The following HDX variants were observed in gnomAD, a reference collection of about 807,000 sequenced individuals.
HDX encodes highly divergent homeobox, also known as chromosome X open reading frame 43.
A neutral mutation model predicts 45.2 loss-of-function variants in HDX; 19 were observed. The ratio of observed to expected loss-of-function variants is 0.42; its 90% CI spans 0.29 to 0.62. The LOEUF is 0.62. HDX is among the 20% of genes least tolerant of loss of function. The probability of loss-of-function intolerance (pLI) is 0.20; values close to 1 mark genes in which losing one functional copy is unlikely to be tolerated. For synonymous variants in HDX, 188 were observed against 172.8 expected (o/e 1.09, Z -0.69); for missense variants, 532 against 493.9 (o/e 1.08, Z -0.73).
intron 4 of HDX, among the ~76,000 whole-genome samples, chrX:84,442,461 G>A (rs1415054384): frequency 9.1e-6 from 1 of 110,202 alleles, no homozygotes; most frequent in African/African-American, 3.3e-5. Flanking sequence ...TACTTTTAAG[G>A]AAAAATAAAA....
chrX:84,368,949 C>T (rs899464508), intron 5 of HDX, among the ~76,000 whole-genome samples: 11 of 110,647 alleles, frequency 9.9e-5, no homozygotes, highest in South Asian at 3.9e-4. Flanking sequence ...AATTGAGTGC[C>T]GCCACTGATC....
At chrX:84,341,769 G>T (rs2037091888) in intron 7 of HDX, among the ~76,000 whole-genome samples, 1 of 106,898 alleles carries the variant, frequency 9.4e-6, no homozygotes. Context: ...GCTGAGGCTG[G>T]AGTACAGTGG....
rs904924779 is a variant in HDX at position 84,395,727 on chromosome X, T to A, written c.1306-34115A>T. 2.7e-5 allele frequency among the ~76,000 whole-genome samples: 3 copies of A among 112,033 alleles called. No individual in the cohort carries two copies. The East Asian group carries it at 8.4e-4, about 31-fold the overall frequency. On this transcript the variant is annotated intron_variant, in intron 5 of 10. Transcript: ENST00000373177. ...CACAAATTTGAATATTTGGTCCCTT[T>A]ATGGTGTTCCATATGTAATGTAGGC... is the stretch of plus-strand genomic sequence containing the variant.
intron 5 of HDX, among the ~76,000 whole-genome samples, chrX:84,371,323 A>G (rs781162469): frequency 1.9e-3 from 217 of 112,223 alleles, no homozygotes; most frequent in Non-Finnish European, 2.8e-3. Flanking sequence ...GAGAAAACAC[A>G]TGTAAAATAA....
chrX:84,322,528 A>G (rs751116668), intron 10 of HDX, among the ~76,000 whole-genome samples: 1 of 111,038 alleles, frequency 9.0e-6, no homozygotes, highest in Admixed American at 9.6e-5. Context: ...ACTTGAAAAG[A>G]CCAAGTAATT....
At chrX:84,400,171 C>T (rs1220049383) in intron 5 of HDX, among the ~76,000 whole-genome samples, 1 of 109,367 alleles carries the variant, frequency 9.1e-6, no homozygotes, top group Non-Finnish European at 1.9e-5. Flanking sequence ...TCTCTCTCAC[C>T]ACTCCTATTC....
At chrX:84,343,319 A>G (rs886286059) in intron 7 of HDX, among the ~76,000 whole-genome samples, 1 of 111,031 alleles carries the variant, frequency 9.0e-6, no homozygotes, top group Non-Finnish European at 1.9e-5. Flanking sequence ...TGACACAATT[A>G]CTTGAGCTCA....
At chrX:84,460,004 T>C (rs762478333) in intron 4 of HDX, among the ~76,000 whole-genome samples, 1 of 111,442 alleles carries the variant, frequency 9.0e-6, no homozygotes, top group South Asian at 3.8e-4. Flanking sequence ...ATCCAAAACC[T>C]GAACAGATCA....
In HDX at chrX:84,413,794, A is replaced by G. The variant is rs182899295; in HGVS notation, c.1305+26738T>C. Reference sequence around the variant, plus strand: ...TCAGTGCTCTTAGCCCTTTACTGAGATTCCTAGAAATCTTGAAATAACATA... The same window carrying G: ...TCAGTGCTCTTAGCCCTTTACTGAGGTTCCTAGAAATCTTGAAATAACATA... On this transcript the variant is annotated intron_variant, in intron 5 of 10. Coordinates refer to ENST00000373177, the MANE Select transcript of HDX (RefSeq NM_001177479.2). 3.6e-5 allele frequency among the ~76,000 whole-genome samples: 4 copies of G among 111,653 alleles called. No individual in the cohort carries two copies. In the East Asian group the frequency reaches 1.1e-3, roughly 31 times the overall value.
At chrX:84,482,294 C>A (rs1024244995) in intron 2 of HDX, among the ~76,000 whole-genome samples, 2 of 111,454 alleles carry the variant, frequency 1.8e-5, no homozygotes, top group African/African-American at 6.5e-5. Context: ...TACTGCTTTT[C>A]ATAGGGATTG....
At chrX:84,360,709 G>A (rs2037601873) in intron 6 of HDX, among the ~76,000 whole-genome samples, 1 of 111,337 alleles carries the variant, frequency 9.0e-6, no homozygotes, top group African/African-American at 3.3e-5. Flanking sequence ...TTAGCATAAT[G>A]TTTTTAAGGT....
Position 84,320,859 on chromosome X carries a change from G to T in HDX, c.*1030C>A, listed in dbSNP as rs2036582648. The stretch of plus-strand genomic sequence containing the variant: ...GTGTACTCATAGAATAGTATTCATG[G>T]AATTCAGAAGACTGTGATTTACAAC... On this transcript the variant is annotated 3_prime_UTR_variant, in exon 11 of 11. Transcript: ENST00000373177. 1 of 110,429 alleles carries T rather than the reference G, an allele frequency of 9.1e-6. No homozygotes were observed. Among genetic ancestry groups the T allele is most frequent in the African/African-American group, 3.3e-5 (1 of 30,560 alleles). The allele number at this position is 110,429 out of a possible 1,213,427, so 9.1% of individuals were successfully genotyped here.
At chrX:84,478,732 G>C (rs758892237) in intron 2 of HDX, among the ~76,000 whole-genome samples, 2 of 110,716 alleles carry the variant, frequency 1.8e-5, no homozygotes, top group Non-Finnish European at 3.8e-5. Flanking sequence ...GGTGGCATGT[G>C]CCTGTAGTCC....
At chrX:84,466,749 G>A (rs1377029041) in intron 4 of HDX, among the ~76,000 whole-genome samples, 2 of 111,611 alleles carry the variant, frequency 1.8e-5, no homozygotes, top group Non-Finnish European at 3.8e-5. Context: ...AAATAGTTAT[G>A]CTGTATGGTA....
intron 1 of HDX, among the ~76,000 whole-genome samples, chrX:84,499,392 A>G (rs762098873): frequency 7.2e-5 from 8 of 111,770 alleles, no homozygotes; most frequent in South Asian, 7.4e-4. Flanking sequence ...ACTTAACAGC[A>G]TATTTCTAAG....
intron 6 of HDX, among the ~76,000 whole-genome samples, chrX:84,352,919 T>C (rs2037393527): frequency 9.1e-6 from 1 of 110,230 alleles, no homozygotes; most frequent in Non-Finnish European, 1.9e-5. Context: ...AAAAGACCAG[T>C]CTCCCTAGGA....
chrX:84,371,827 G>A (rs867467936), intron 5 of HDX, among the ~76,000 whole-genome samples: 1 of 111,356 alleles, frequency 9.0e-6, no homozygotes, highest in Non-Finnish European at 1.9e-5. Flanking sequence ...ACCCTGCTGC[G>A]AAGTTCTAGA....
intron 3 of HDX, 90 bp from the exon 4 acceptor site, chrX:84,469,665 G>C (rs950599934): frequency 1.1e-5 from 8 of 749,935 alleles, no homozygotes; most frequent in Admixed American, 4.1e-5. Flanking sequence ...ATTTTCATTT[G>C]TCTTGGAACC....
intron 4 of HDX, among the ~76,000 whole-genome samples, chrX:84,450,766 C>T (rs1370030218): frequency 1.8e-5 from 2 of 112,300 alleles, no homozygotes; most frequent in Admixed American, 1.9e-4. Context: ...GCATATGGAA[C>T]ATTCTCCAGT....
Sources: gnomAD v4.1 joint callset for allele counts (sites outside exome capture counted in the v4.1 genomes callset) on GRCh38, gnomAD v4.1.1 for gene constraint, MANE v1.5 for transcripts, NCBI Gene and HGNC (gene_info 2026-07-23, HGNC 2026-07-21) for gene names.